Variants in ZFHX3 observed in about 807,000 individuals in gnomAD.
ZFHX3 encodes zinc finger homeobox protein 3.
A neutral mutation model predicts 279.1 loss-of-function variants in ZFHX3; 42 were observed. That is an observed-to-expected ratio of 0.15 (90% CI 0.12 to 0.19). The LOEUF is 0.19. ZFHX3 is among the 10% of genes least tolerant of loss of function. The probability of loss-of-function intolerance (pLI) is 1.00; values close to 1 mark genes in which losing one functional copy is unlikely to be tolerated. For missense variants in ZFHX3, 4,981 were observed against 4,754.0 expected, an observed-to-expected ratio of 1.05 and a Z score of -1.40; for synonymous variants, 2,293 against 1,957.8, an observed-to-expected ratio of 1.17 and a Z score of -4.52.
At chr16:73,631,387 C>T (rs2052467349) in intron 2 of ZFHX3, among the ~76,000 whole-genome samples, 1 of 152,060 alleles carries the variant, frequency 6.6e-6, no homozygotes, top group Non-Finnish European at 1.5e-5. Context: ...AGCTTCAAAC[C>T]AGTAGTTTTT....
intron 7 of ZFHX3, among the ~76,000 whole-genome samples, chr16:73,111,434 A>G (rs1385067450): frequency 6.6e-6 from 1 of 152,204 alleles, no homozygotes; most frequent in Admixed American, 6.5e-5. Context: ...CATACACAGA[A>G]TAAAAGTTGA....
Position 73,556,474 on chromosome 16 carries a change from C to G in ZFHX3, c.-1546-100216G>C, listed in dbSNP as rs151229128. Among the ~76,000 whole-genome samples, 8 of 152,350 alleles carry G rather than the reference C, an allele frequency of 5.3e-5. No individual in the cohort carries two copies. The East Asian group carries it at 1.5e-3, about 29-fold the overall frequency. On this transcript the variant is annotated intron_variant, in intron 2 of 17. Coordinates refer to the ZFHX3 transcript ENST00000641206. The stretch of plus-strand genomic sequence containing the variant: ...AGAGCTGTCATTTAACCTTCACCAT[C>G]TGTTTGCTTCAAAAGAAAGCGGTAC...
At chr16:73,433,211 G>T (rs2017939556) in intron 3 of ZFHX3, among the ~76,000 whole-genome samples, 2 of 152,210 alleles carry the variant, frequency 1.3e-5, no homozygotes, top group South Asian at 4.1e-4. Context: ...ACTCCAGACA[G>T]CGGCATGTCC....
At chr16:73,208,326 AT>A (rs1311060518) in intron 5 of ZFHX3, among the ~76,000 whole-genome samples, 4 of 152,238 alleles carry the variant, frequency 2.6e-5, no homozygotes. Context: ...TGTTTCTCAT[AT>A]GAAAAACAGA....
chr16:73,367,352 C>A (rs977323198), intron 3 of ZFHX3, among the ~76,000 whole-genome samples: 1 of 152,072 alleles, frequency 6.6e-6, no homozygotes, highest in Admixed American at 6.5e-5. Context: ...CACTTCACAG[C>A]GTGGAGCAGG....
At chr16:72,848,842 C>T (rs1254254795) in intron 4 of ZFHX3, among the ~76,000 whole-genome samples, 1 of 152,100 alleles carries the variant, frequency 6.6e-6, no homozygotes, top group Non-Finnish European at 1.5e-5. Flanking sequence ...TCTGCTTAGT[C>T]ACGGAACGTC....
chr16:73,508,160 G>A (rs527748737), intron 2 of ZFHX3, among the ~76,000 whole-genome samples: 1 of 152,274 alleles, frequency 6.6e-6, no homozygotes, highest in South Asian at 2.1e-4. Flanking sequence ...TCTGCCACTA[G>A]GATGCTGAAT....
intron 5 of ZFHX3, among the ~76,000 whole-genome samples, chr16:73,237,163 GGGTCTTAAT>G (rs2012975515): frequency 6.6e-6 from 1 of 152,282 alleles, no homozygotes; most frequent in African/African-American, 2.4e-5. Context: ...CAGGTCTTCT[GGGTCTTAAT>G]CTGGTGCCAT....
At chr16:73,265,078 CGTGTGTGT>C (rs72075949) in intron 4 of ZFHX3, among the ~76,000 whole-genome samples, 21 of 145,982 alleles carry the variant, frequency 1.4e-4, no homozygotes, top group South Asian at 4.4e-4. Context: ...CGCATATATG[CGTGTGTGT>C]GTGTGTGTGT....
chr16:73,856,973 C>T (rs917566647), intron 1 of ZFHX3, among the ~76,000 whole-genome samples: 2 of 152,210 alleles, frequency 1.3e-5, no homozygotes, highest in African/African-American at 2.4e-5. Context: ...AAGCCCAGGG[C>T]GCCTCAGCGG....
intron 2 of ZFHX3, among the ~76,000 whole-genome samples, chr16:73,647,953 C>T (rs766668965): frequency 2.0e-5 from 3 of 151,942 alleles, no homozygotes; most frequent in Non-Finnish European, 4.4e-5. Context: ...ACAACTGATG[C>T]ATAAACAAAA....
intron 3 of ZFHX3, among the ~76,000 whole-genome samples, chr16:73,341,874 G>A (rs916582053): frequency 6.6e-6 from 1 of 152,178 alleles, no homozygotes; most frequent in Non-Finnish European, 1.5e-5. Flanking sequence ...TTTATACAAA[G>A]TGTCTTAAAT....
At chr16:72,835,004 A>C (rs907610576) in intron 4 of ZFHX3, among the ~76,000 whole-genome samples, 5 of 152,206 alleles carry the variant, frequency 3.3e-5, no homozygotes, top group African/African-American at 1.2e-4. Flanking sequence ...AAGCCCCCAT[A>C]GTGCCTCAGT....
chr16:73,521,973 G>C (rs950941788), intron 2 of ZFHX3, among the ~76,000 whole-genome samples: 1 of 152,152 alleles, frequency 6.6e-6, no homozygotes, highest in African/African-American at 2.4e-5. Context: ...GTCAACTTCC[G>C]TTCCCTTTTG....
Position 73,106,214 on chromosome 16 carries a change from CT to C in ZFHX3, c.-896-12617del, listed in dbSNP as rs928037320. On this transcript the variant is annotated intron_variant, in intron 7 of 17. Transcript: ENST00000641206. ...CTAGGAGCAAGGATCTTGTCTTGTT[CT>C]TTTTTTTCCATGCCCACTGCTGGGT... is the stretch of plus-strand genomic sequence containing the variant. Among the ~76,000 whole-genome samples the C allele has an allele frequency of 2.6e-5, 4 of 151,934 alleles. No individual in the cohort carries two copies. In the South Asian group the frequency reaches 8.3e-4, roughly 32 times the overall value.
chr16:73,597,170 C>A (rs1013329761), intron 2 of ZFHX3, among the ~76,000 whole-genome samples: 2 of 152,228 alleles, frequency 1.3e-5, no homozygotes, highest in Non-Finnish European at 2.9e-5. Flanking sequence ...TACGTTATCT[C>A]TGTGCATCTC....
At position 73,093,047 on chromosome 16, in the gene ZFHX3, C is replaced by G. The variant is rs1217868444; in HGVS notation, c.-533+188G>C. The G allele has an allele frequency of 5.8e-6, 3 of 520,096 alleles. No homozygotes were observed. The East Asian group carries it at 1.6e-4, about 28-fold the overall frequency. 32.2% of individuals were successfully genotyped at this position (520,096 alleles called of 1,614,324 possible). A position where few individuals can be genotyped will look rare whatever the true frequency, so the allele number is the denominator to read the frequency against. ...TTCTTCCATCCTTTCAAACATCTCT[C>G]TAACATATCCTTTTGCTATTTGACC... is the stretch of plus-strand genomic sequence containing the variant. On this transcript the variant is annotated intron_variant, in intron 8 of 17. Transcript: ENST00000641206.
intron 1 of ZFHX3, among the ~76,000 whole-genome samples, chr16:73,749,773 C>A (rs186443432): frequency 6.6e-6 from 1 of 152,190 alleles, no homozygotes; most frequent in Admixed American, 6.5e-5. Flanking sequence ...ATGTGAGGAG[C>A]TGAAAGCATG....
rs146463781 is a variant in ZFHX3, at chr16:73,521,758, T to C, written c.-1546-65500A>G. Among the ~76,000 whole-genome samples, 537 of 152,248 alleles carry C rather than the reference T, an allele frequency of 3.5e-3. 6 individuals are homozygous for C. The highest frequency in any genetic ancestry group is 0.012 in the African/African-American group (499 of 41,572). On this transcript the variant is annotated intron_variant, in intron 2 of 17. Transcript: ENST00000641206. ...GCATTTTAAATTTTATTAAAATGAA[T>C]TTTAGTAAACAATAAACTTGGAACT...
Sources: gnomAD v4.1 joint callset for allele counts (sites outside exome capture counted in the v4.1 genomes callset) on GRCh38, gnomAD v4.1.1 for gene constraint, MANE v1.5 for transcripts, NCBI Gene and HGNC (gene_info 2026-07-23, HGNC 2026-07-21) for gene names.